PKHD1: variants seen among roughly 807,000 people sequenced by gnomAD.
PKHD1 encodes the protein fibrocystin.
Under a neutral mutation model 412.0 loss-of-function variants are expected in PKHD1, and 291 were observed. That is an observed-to-expected ratio of 0.71 (90% CI 0.64 to 0.78). The LOEUF (loss-of-function observed/expected upper bound fraction) is 0.78. Among genes scored for constraint, PKHD1 ranks in the 30% least tolerant of loss-of-function variants. The pLI is 0.00. For missense variants in PKHD1, 4,825 were observed against 4,950.7 expected, an observed-to-expected ratio of 0.97 and a Z score of 0.76; for synonymous variants, 1,777 against 1,821.5, an observed-to-expected ratio of 0.98 and a Z score of 0.62.
chr6:51,865,981 G>T lies in PKHD1; in HGVS notation c.7733+1882C>A, dbSNP rs35954388. Among the ~76,000 whole-genome samples the T allele has an allele frequency of 8.2e-3, 1,249 of 152,140 alleles. 15 individuals are homozygous for T. Among genetic ancestry groups the T allele is most frequent in the Middle Eastern group, 0.024 (7 of 294 alleles). On this transcript the variant is annotated intron_variant, in intron 48 of 66. Transcript: ENST00000371117. ...CTCAGACTTTAATACCAATCACCTGGGCATTGTAATTCAGGACATCTGGGG... is the reference window on the plus strand; with the variant it reads ...CTCAGACTTTAATACCAATCACCTGTGCATTGTAATTCAGGACATCTGGGG...
At chr6:51,747,669 G>T in intron 58 of PKHD1, 118 bp downstream of exon 58, 2 of 841,678 alleles carry the variant, frequency 2.4e-6, no homozygotes, top group Non-Finnish European at 2.0e-6. Context: ...TCAGCAGGTT[G>T]GACAGCAAGC....
In PKHD1 at chr6:51,904,006, G is replaced by T. The variant is rs1164319252; in HGVS notation, c.6845C>A (p.Ala2282Glu). ...CTEMRYISWEAIHGRKDDWSG... is the reference protein window; with the variant it reads ...CTEMRYISWEEIHGRKDDWSG... The stretch of plus-strand genomic sequence containing the variant: ...TTTACCATCTTTCCTTCCATGAATT[G>T]CCTCCCAGGAGATATATCTCATCTC... Residue 2282 changes from alanine to glutamate, a missense_variant, in exon 42 of 67, where the codon GCA becomes GAA. Ala to Glu is a moderately radical substitution (Grantham distance 107). Transcript: ENST00000371117. 3 of 1,589,470 alleles carry T rather than the reference G, an allele frequency of 1.9e-6. No individual in the cohort carries two copies. The highest frequency in any genetic ancestry group is 2.2e-5 in the South Asian group (2 of 90,582).
intron 61 of PKHD1, among the ~76,000 whole-genome samples, chr6:51,653,673 G>C (rs769940713): frequency 3.3e-5 from 5 of 152,070 alleles, no homozygotes; most frequent in African/African-American, 4.8e-5. Context: ...AGTATATAAA[G>C]ACACAGAATA....
At chr6:52,038,173 A>T in intron 27 of PKHD1, among the ~76,000 whole-genome samples, 1 of 152,122 alleles carries the variant, frequency 6.6e-6, no homozygotes, top group East Asian at 1.9e-4. Context: ...CAAGGTCAGG[A>T]GTTCGAGACC....
In PKHD1 at chr6:51,619,050, C is replaced by T; in HGVS notation, c.*31G>A. ...TCCAGAAATACTGGGAACATTCTGC[C>T]TTTCAGGCCAAATGCCCCCAACTTC... On this transcript the variant is annotated 3_prime_UTR_variant, in exon 67 of 67. Coordinates refer to ENST00000371117, the MANE Select transcript of PKHD1 (RefSeq NM_138694.4). 3 of 1,600,946 alleles carry T rather than the reference C, an allele frequency of 1.9e-6. No homozygotes were observed. Among genetic ancestry groups the T allele is most frequent in the Non-Finnish European group, 2.6e-6 (3 of 1,168,326 alleles).
At chr6:51,872,361 A>AG (rs1161817013) in intron 46 of PKHD1, among the ~76,000 whole-genome samples, 2 of 151,866 alleles carry the variant, frequency 1.3e-5, no homozygotes, top group African/African-American at 4.8e-5. Context: ...GCTTTCAGAG[A>AG]GAAAAAAAAT....
intron 43 of PKHD1, among the ~76,000 whole-genome samples, chr6:51,888,801 C>T (rs993287606): frequency 9.4e-5 from 14 of 149,202 alleles, no homozygotes; most frequent in African/African-American, 3.5e-4. Context: ...CTCAGTGTCA[C>T]ACGCTCACAT....
intron 60 of PKHD1, among the ~76,000 whole-genome samples, chr6:51,693,261 C>T (rs1322231799): frequency 2.0e-5 from 3 of 152,184 alleles, no homozygotes; most frequent in African/African-American, 4.8e-5. Context: ...TCACACATGG[C>T]TCAAACATAA....
intron 27 of PKHD1, among the ~76,000 whole-genome samples, chr6:52,036,870 T>A (rs1393936183): frequency 2.6e-5 from 4 of 152,224 alleles, no homozygotes; most frequent in African/African-American, 9.6e-5. Context: ...GACATATCTT[T>A]ATAAATTAAA....
intron 52 of PKHD1, among the ~76,000 whole-genome samples, chr6:51,803,855 C>T (rs1330380371): frequency 2.0e-5 from 3 of 151,100 alleles, no homozygotes; most frequent in Admixed American, 6.6e-5. Flanking sequence ...TACAGGTGCC[C>T]ATCACCACGC....
intron 43 of PKHD1, among the ~76,000 whole-genome samples, chr6:51,898,900 A>T (rs1780663278): frequency 6.6e-6 from 1 of 152,224 alleles, no homozygotes; most frequent in African/African-American, 2.4e-5. Flanking sequence ...CTACGCAAAT[A>T]AACTAGAAAA....
chr6:51,981,329 C>CTCTCCCTCTCCGTCTCCG (rs1795166510), intron 35 of PKHD1, among the ~76,000 whole-genome samples: 1 of 8,998 alleles, frequency 1.1e-4, no homozygotes. Context: ...CTCCCTCTCC[C>CTCTCCCTCTCCGTCTCCG]TCTCCCTCTC....
At chr6:51,673,094 C>T (rs1309263806) in intron 60 of PKHD1, among the ~76,000 whole-genome samples, 2 of 152,106 alleles carry the variant, frequency 1.3e-5, no homozygotes, top group Admixed American at 6.6e-5. Flanking sequence ...AATATCTAGG[C>T]CAGATACCAA....
intron 28 of PKHD1, 39 bp from the exon 29 acceptor site, chr6:52,033,204 T>G (rs1417838865): frequency 6.5e-7 from 1 of 1,541,900 alleles, no homozygotes. Flanking sequence ...TCAGTTTTAT[T>G]TTAAAGTAGG....
intron 52 of PKHD1, among the ~76,000 whole-genome samples, chr6:51,804,137 T>C (rs1763347578): frequency 6.6e-6 from 1 of 151,288 alleles, no homozygotes. Flanking sequence ...ACTATGTCTG[T>C]TTCTTCCTAC....
At chr6:51,764,822 C>G (rs1395165367) in intron 55 of PKHD1, among the ~76,000 whole-genome samples, 2 of 152,000 alleles carry the variant, frequency 1.3e-5, no homozygotes, top group Non-Finnish European at 2.9e-5. Flanking sequence ...TCTCCATTCT[C>G]CCTCCCAACC....
At chr6:51,651,395 T>A in intron 61 of PKHD1, among the ~76,000 whole-genome samples, 1 of 152,170 alleles carries the variant, frequency 6.6e-6, no homozygotes, top group Admixed American at 6.5e-5. Context: ...AGAGAAATCA[T>A]CATTAAATGC....
At chr6:51,694,209 T>C (rs1052755858) in intron 60 of PKHD1, among the ~76,000 whole-genome samples, 1 of 151,996 alleles carries the variant, frequency 6.6e-6, no homozygotes, top group Non-Finnish European at 1.5e-5. Context: ...CCTGCAAATG[T>C]TTTCTTTCTC....
chr6:51,844,968 A>T (rs1770893189), intron 50 of PKHD1, among the ~76,000 whole-genome samples: 1 of 152,218 alleles, frequency 6.6e-6, no homozygotes, highest in Non-Finnish European at 1.5e-5. Context: ...CTTGACTTAC[A>T]CCATCTGCAT....
Sources: allele counts gnomAD v4.1 joint callset (sites outside exome capture counted in the v4.1 genomes callset), GRCh38; gene constraint gnomAD v4.1.1; transcripts MANE v1.5; gene names NCBI Gene and HGNC (gene_info 2026-07-23, HGNC 2026-07-21).